The following LPAR1 variants were observed in gnomAD, a reference collection of about 807,000 sequenced individuals.
LPAR1 encodes the protein lysophosphatidic acid receptor 1, also known as LPA receptor 1.
In LPAR1, 5 loss-of-function variants were observed where a neutral mutation model predicts 23.8. That is an observed-to-expected ratio of 0.21 (90% CI 0.11 to 0.44). The LOEUF is 0.44. LPAR1 is among the 20% of genes least tolerant of loss of function. LPAR1 has a pLI of 0.99. For missense variants in LPAR1, 311 were observed against 482.8 expected (o/e 0.64, Z 3.33); for synonymous variants, 160 against 164.7 (o/e 0.97, Z 0.22).
At chr9:110,977,834 GGGAAGGAAGGAGGGAAGGAAGGAAGGAA>G (rs1564227848) in intron 2 of LPAR1, among the ~76,000 whole-genome samples, 28 of 108,616 alleles carry the variant, frequency 2.6e-4, no homozygotes, top group Non-Finnish European at 4.5e-4. Context: ...GAGGGAGGGA[GGGAAGGAAGGAGGGAAGGAAGGAAGGAA>G]GGAAGGAAGG....
chr9:110,914,667 G>C (rs2092870373), intron 5 of LPAR1, among the ~76,000 whole-genome samples: 1 of 152,218 alleles, frequency 6.6e-6, no homozygotes, highest in African/African-American at 2.4e-5. Flanking sequence ...CCCAGGCTGA[G>C]AGTCTTATCG....
intron 5 of LPAR1, among the ~76,000 whole-genome samples, chr9:110,924,036 G>A (rs1404389164): frequency 6.6e-6 from 1 of 151,836 alleles, no homozygotes; most frequent in African/African-American, 2.4e-5. Flanking sequence ...TTATCATCAT[G>A]AATAAAGATA....
intron 5 of LPAR1, among the ~76,000 whole-genome samples, chr9:110,916,950 G>T (rs1043726157): frequency 1.5e-4 from 23 of 150,620 alleles, no homozygotes; most frequent in Non-Finnish European, 2.2e-4. Flanking sequence ...ATTAACTAGT[G>T]CTGAGTGTGT....
intron 2 of LPAR1, among the ~76,000 whole-genome samples, chr9:111,006,245 C>T (rs1263934615): frequency 6.6e-6 from 1 of 152,210 alleles, no homozygotes; most frequent in African/African-American, 2.4e-5. Context: ...ACACAAAGTG[C>T]TGGTAATATA....
intron 2 of LPAR1, among the ~76,000 whole-genome samples, chr9:110,983,959 ATATTTT>A (rs1298035249): frequency 1.3e-5 from 2 of 151,992 alleles, no homozygotes; most frequent in African/African-American, 2.4e-5. Context: ...GCCACTTTTA[ATATTTT>A]TATTTTTAAT....
chr9:110,990,836 G>A (rs904499145), intron 2 of LPAR1, among the ~76,000 whole-genome samples: 5 of 151,990 alleles, frequency 3.3e-5, no homozygotes, highest in Non-Finnish European at 7.4e-5. Flanking sequence ...GATTAGTCGA[G>A]AAAAAAGGTG....
rs1052142260 is a variant in LPAR1, at chr9:110,989,713, T to C, written c.-181-16155A>G. On this transcript the variant is annotated intron_variant, in intron 2 of 5. Coordinates refer to ENST00000683809, the MANE Select transcript of LPAR1 (RefSeq NM_001351411.2). ...AATGTGACAATAGACAAAAGCAAGA[T>C]GATAGATTTAAACATAACCATATGA... Among the ~76,000 whole-genome samples the C allele has an allele frequency of 2.6e-5, 4 of 152,102 alleles. No individual in the cohort carries two copies. In the East Asian group the frequency reaches 7.7e-4, roughly 29 times the overall value.
chr9:110,931,909 G>T (rs1031275313), intron 5 of LPAR1, among the ~76,000 whole-genome samples: 1 of 152,092 alleles, frequency 6.6e-6, no homozygotes, highest in Non-Finnish European at 1.5e-5. Context: ...GTACCATGCT[G>T]TTTTGGTTAC....
intron 4 of LPAR1, among the ~76,000 whole-genome samples, chr9:110,961,865 TC>T (rs1431179457): frequency 6.6e-6 from 1 of 152,010 alleles, no homozygotes; most frequent in African/African-American, 2.4e-5. Context: ...TTCAATTACC[TC>T]CCACCAGGTC....
Position 110,874,206 on chromosome 9 carries a change from G to C in LPAR1, c.*1215C>G, listed in dbSNP as rs1061548. ...CAAATTTCTGCAACTTTATAATAAT[G>C]AAAATTAGAAACAACCTAAATAGTT... On this transcript the variant is annotated 3_prime_UTR_variant, in exon 6 of 6. Transcript: ENST00000683809. 22,482 of 152,514 alleles carry C rather than the reference G, an allele frequency of 0.15. 2,034 individuals carry two copies. The highest frequency in any genetic ancestry group is 0.2 in the Admixed American group (3,096 of 15,278). 9.4% of individuals were successfully genotyped at this position (152,514 alleles called of 1,614,324 possible). A position where few individuals can be genotyped will look rare whatever the true frequency, so the allele number is the denominator to read the frequency against.
At chr9:110,894,122 A>G (rs1247377499) in intron 5 of LPAR1, among the ~76,000 whole-genome samples, 1 of 152,168 alleles carries the variant, frequency 6.6e-6, no homozygotes, top group African/African-American at 2.4e-5. Context: ...AAGGAAATGA[A>G]TGACAATATT....
Position 110,956,330 on chromosome 9 carries a change from A to G in LPAR1, c.46-14162T>C, listed in dbSNP as rs188209258. ...TGCAGCAAACCACCATAGCATGTGT[A>G]TACCTATGTAACAAAACTGCACATT... On this transcript the variant is annotated intron_variant, in intron 4 of 5. Coordinates refer to ENST00000683809, the MANE Select transcript of LPAR1 (RefSeq NM_001351411.2). Among the ~76,000 whole-genome samples the G allele has an allele frequency of 8.5e-3, 1,290 of 152,252 alleles. 22 individuals carry two copies. Among genetic ancestry groups the G allele is most frequent in the African/African-American group, 0.029 (1,218 of 41,528 alleles).
chr9:110,925,468 T>A (rs2093945821), intron 5 of LPAR1, among the ~76,000 whole-genome samples: 1 of 152,156 alleles, frequency 6.6e-6, no homozygotes, highest in African/African-American at 2.4e-5. Context: ...AGAATCCTGC[T>A]GGGATTCTAC....
chr9:110,976,446 A>C (rs1232691840), intron 2 of LPAR1, among the ~76,000 whole-genome samples: 1 of 152,100 alleles, frequency 6.6e-6, no homozygotes, highest in Non-Finnish European at 1.5e-5. Context: ...CAGAAGTTGC[A>C]GTGAGCCGAG....
At chr9:111,008,100 G>A (rs1186242589) in intron 2 of LPAR1, among the ~76,000 whole-genome samples, 1 of 151,954 alleles carries the variant, frequency 6.6e-6, no homozygotes, top group African/African-American at 2.4e-5. Context: ...CTTGAACCTG[G>A]GAGGTGGAGG....
In LPAR1 at chr9:110,873,711, TAC is replaced by T. The variant is rs1407272415; in HGVS notation, c.*1708_*1709del. Reference sequence around the variant, plus strand: ...GCCTATCGGGGTGATTCCTGGCGAATACACAGTAACCAACCACATACTGACAC... The same window carrying T: ...GCCTATCGGGGTGATTCCTGGCGAATACAGTAACCAACCACATACTGACAC... On this transcript the variant is annotated 3_prime_UTR_variant, in exon 6 of 6. Coordinates refer to ENST00000683809, the MANE Select transcript of LPAR1 (RefSeq NM_001351411.2). The T allele has an allele frequency of 5.9e-5, 9 of 152,134 alleles. No homozygotes were observed. Among genetic ancestry groups the T allele is most frequent in the African/African-American group, 2.2e-4 (9 of 41,408 alleles). The allele number at this position is 152,134 out of a possible 1,614,324, so 9.4% of individuals were successfully genotyped here. A position where few individuals can be genotyped will look rare whatever the true frequency, so the allele number is the denominator to read the frequency against.
intron 4 of LPAR1, among the ~76,000 whole-genome samples, chr9:110,969,860 A>G (rs563975876): frequency 6.6e-6 from 1 of 152,324 alleles, no homozygotes; most frequent in East Asian, 1.9e-4. Flanking sequence ...ATATCTTTAT[A>G]CATTCCTTAT....
intron 5 of LPAR1, among the ~76,000 whole-genome samples, chr9:110,879,802 T>TA (rs1279025948): frequency 1.3e-5 from 2 of 152,128 alleles, no homozygotes; most frequent in Non-Finnish European, 2.9e-5. Flanking sequence ...TGGGAAGAGA[T>TA]ATAGAAGGAC....
chr9:111,004,744 C>T (rs1368067365), intron 2 of LPAR1, among the ~76,000 whole-genome samples: 1 of 152,190 alleles, frequency 6.6e-6, no homozygotes, highest in Non-Finnish European at 1.5e-5. Context: ...TATTCTACTT[C>T]TGCTTACTCT....
Sources: allele counts gnomAD v4.1 joint callset (sites outside exome capture counted in the v4.1 genomes callset), GRCh38; gene constraint gnomAD v4.1.1; transcripts MANE v1.5; gene names NCBI Gene and HGNC (gene_info 2026-07-23, HGNC 2026-07-21).